XRCC6: variants seen among roughly 807,000 people sequenced by gnomAD.
XRCC6 encodes the protein X-ray repair cross complementing 6, also known as DNA repair protein Ku70.
In XRCC6, 5 loss-of-function variants were observed where a neutral mutation model predicts 65.7. That is an observed-to-expected ratio of 0.08 (90% CI 0.04 to 0.16). The LOEUF (loss-of-function observed/expected upper bound fraction) is 0.16. XRCC6 is among the 10% of genes least tolerant of loss of function. The pLI, the probability that XRCC6 is intolerant of heterozygous loss-of-function variation, is 1.00. For synonymous variants in XRCC6, 270 were observed against 270.6 expected (o/e 1.00, Z 0.02); for missense variants, 447 against 738.1 (o/e 0.61, Z 4.57).
chr22:41,663,886 A>T lies in XRCC6; in HGVS notation c.*71A>T, dbSNP rs2068123439. ...GCCTGGCCTTGTCCTCAGCCAGTTAAAATGTGTTTCTCCTGAGCTAGGAAG... is the reference window on the plus strand; with the variant it reads ...GCCTGGCCTTGTCCTCAGCCAGTTATAATGTGTTTCTCCTGAGCTAGGAAG... On this transcript the variant is annotated 3_prime_UTR_variant, in exon 13 of 13. Coordinates refer to ENST00000360079, the MANE Select transcript of XRCC6 (RefSeq NM_001469.5). 1.2e-5 allele frequency: 19 copies of T among 1,524,402 alleles called. No homozygotes were observed. The highest frequency in any genetic ancestry group is 1.7e-5 in the Non-Finnish European group (19 of 1,122,230). 94.4% of individuals were successfully genotyped at this position (1,524,402 alleles called of 1,614,324 possible).
intron 3 of XRCC6, among the ~76,000 whole-genome samples, chr22:41,630,567 T>C (rs1468720943): frequency 1.3e-5 from 2 of 151,184 alleles, no homozygotes; most frequent in East Asian, 1.9e-4. Flanking sequence ...GGCAGGGTCA[T>C]AGGACAATAG....
chr22:41,663,265 C>T (rs2068115943), intron 12 of XRCC6, among the ~76,000 whole-genome samples: 1 of 152,032 alleles, frequency 6.6e-6, no homozygotes, highest in South Asian at 2.1e-4. Context: ...CCACCATGGC[C>T]GGTTGATTTT....
At chr22:41,650,676 TCTC>T (rs2067985885) in intron 7 of XRCC6, 44 bp from the exon 8 acceptor site, 1 of 1,584,974 alleles carries the variant, frequency 6.3e-7, no homozygotes, top group East Asian at 2.2e-5. Flanking sequence ...TTATTTTGCA[TCTC>T]CTCGTAGCCT....
chr22:41,639,064 A>G (rs1385810590), intron 6 of XRCC6, among the ~76,000 whole-genome samples: 1 of 152,182 alleles, frequency 6.6e-6, no homozygotes, highest in African/African-American at 2.4e-5. Context: ...TCATCTTAAC[A>G]GACCATCATT....
chr22:41,661,536 T>A, intron 12 of XRCC6, 92 bp downstream of exon 12: 1 of 1,073,192 alleles, frequency 9.3e-7, no homozygotes, highest in South Asian at 1.5e-5. Context: ...CAGAAATATC[T>A]ATTCACAGTC....
intron 9 of XRCC6, among the ~76,000 whole-genome samples, 158 bp downstream of exon 9, chr22:41,653,848 G>A (rs915909465): frequency 6.6e-6 from 1 of 152,134 alleles, no homozygotes; most frequent in African/African-American, 2.4e-5. Flanking sequence ...TGCACAGCCA[G>A]GTAAGGCCAC....
intron 11 of XRCC6, among the ~76,000 whole-genome samples, chr22:41,658,737 TACTCTGTCTCTACTAA>T (rs1306504329): frequency 6.6e-6 from 1 of 152,186 alleles, no homozygotes; most frequent in Non-Finnish European, 1.5e-5. Flanking sequence ...AACATGTCTC[TACTCTGTCTCTACTAA>T]ACTCTGTCTC....
chr22:41,662,294 T>C (rs550267157), intron 12 of XRCC6, among the ~76,000 whole-genome samples: 1 of 152,304 alleles, frequency 6.6e-6, no homozygotes, highest in South Asian at 2.1e-4. Context: ...TATTTCACAT[T>C]GCATGCCTGT....
At chr22:41,640,719 T>G (rs2067866505) in intron 6 of XRCC6, among the ~76,000 whole-genome samples, 1 of 152,210 alleles carries the variant, frequency 6.6e-6, no homozygotes, top group Non-Finnish European at 1.5e-5. Context: ...TTGGAAACTA[T>G]TTTTCTTTCC....
intron 9 of XRCC6, 56 bp from the exon 10 acceptor site, chr22:41,656,847 A>G: frequency 1.2e-6 from 2 of 1,608,122 alleles, no homozygotes; most frequent in East Asian, 2.2e-5. Flanking sequence ...GAGCTGAGAA[A>G]CAAGTGACTG....
At position 41,649,158 on chromosome 22, in the gene XRCC6, ATATATG is replaced by A. The variant is rs1377432367; in HGVS notation, c.961-1561_961-1556del. Among the ~76,000 whole-genome samples the A allele has an allele frequency of 3.4e-4, 47 of 137,028 alleles. 1 individual carries two copies. Among genetic ancestry groups the A allele is most frequent in the African/African-American group, 1.3e-3 (46 of 35,716 alleles). The allele number at this position is 137,028 out of a possible 152,430, so 89.9% of individuals were successfully genotyped here. The stretch of plus-strand genomic sequence containing the variant: ...AAAAAAAATATATATATATATATAT[ATATATG>A]TATGTATGTGTGTGTGTATATATAT... On this transcript the variant is annotated intron_variant, in intron 7 of 12. Transcript: ENST00000360079.
chr22:41,658,466 C>T (rs2068066369), intron 11 of XRCC6, 114 bp downstream of exon 11: 1 of 938,326 alleles, frequency 1.1e-6, no homozygotes, highest in South Asian at 1.5e-5. Flanking sequence ...AACCTCATTC[C>T]CCAGACCCCC....
intron 6 of XRCC6, among the ~76,000 whole-genome samples, chr22:41,638,795 A>AG (rs2067841019): frequency 4.0e-5 from 6 of 151,836 alleles, no homozygotes; most frequent in South Asian, 2.1e-4. Context: ...AAAAAAAAAA[A>AG]AAAGAAATAT....
At position 41,623,578 on chromosome 22, in the gene XRCC6, G is replaced by T. The variant is rs895232201; in HGVS notation, c.82+1492G>T. 5.3e-5 allele frequency among the ~76,000 whole-genome samples: 8 copies of T among 151,904 alleles called. No homozygotes were observed. In the South Asian group the frequency reaches 1.5e-3, roughly 28 times the overall value. On this transcript the variant is annotated intron_variant, in intron 2 of 12. Coordinates refer to ENST00000360079, the MANE Select transcript of XRCC6 (RefSeq NM_001469.5). ...AGTTTTTTGTATTTTTAGTAGAGAC[G>T]GGGTTTCACTGTGTTAGCCAGGATG... is the stretch of plus-strand genomic sequence containing the variant.
intron 1 of XRCC6, chr22:41,621,650 G>A (rs1304581734): frequency 4.6e-6 from 1 of 215,418 alleles, no homozygotes; most frequent in East Asian, 1.2e-4. Context: ...AGGTTTTTGG[G>A]CGGTATTGAG....
intron 9 of XRCC6, among the ~76,000 whole-genome samples, chr22:41,655,680 C>T (rs537982564): frequency 6.7e-6 from 1 of 149,728 alleles, no homozygotes; most frequent in Non-Finnish European, 1.5e-5. Context: ...GCCTGGGTGA[C>T]AGAGCGAGAC....
chr22:41,659,963 G>A (rs28384777), intron 11 of XRCC6, among the ~76,000 whole-genome samples: 13,214 of 152,248 alleles, frequency 0.087, 1,855 homozygotes, highest in African/African-American at 0.3. Flanking sequence ...TGGGATTACA[G>A]GCAAGAGCCA....
At chr22:41,636,872 CAAGT>C in intron 5 of XRCC6, 102 bp downstream of exon 5, 1 of 1,430,292 alleles carries the variant, frequency 7.0e-7, no homozygotes, top group Non-Finnish European at 9.3e-7. Context: ...CTCAGCCTCC[CAAGT>C]AGCTGGGACT....
chr22:41,630,721 C>T (rs1479785985), intron 3 of XRCC6, among the ~76,000 whole-genome samples: 1 of 152,070 alleles, frequency 6.6e-6, no homozygotes, highest in African/African-American at 2.4e-5. Context: ...ATGCTGCCTT[C>T]AATCCATTTA....
Sources: gnomAD v4.1 joint callset for allele counts (sites outside exome capture counted in the v4.1 genomes callset) on GRCh38, gnomAD v4.1.1 for gene constraint, MANE v1.5 for transcripts, NCBI Gene and HGNC (gene_info 2026-07-23, HGNC 2026-07-21) for gene names.